The following RBFOX1 variants were observed in gnomAD, a reference collection of about 807,000 sequenced individuals.
RBFOX1 encodes RNA binding protein fox-1 homolog 1.
Under a neutral mutation model 57.7 loss-of-function variants are expected in RBFOX1, and 8 were observed. That is an observed-to-expected ratio of 0.14 (90% confidence interval 0.08 to 0.25). RBFOX1 has a LOEUF of 0.25. Among genes scored for constraint, RBFOX1 ranks in the 10% least tolerant of loss-of-function variants. The pLI is 1.00. For missense variants in RBFOX1, 611 were observed against 548.5 expected (o/e 1.11, Z -1.14); for synonymous variants, 326 against 222.4 (o/e 1.47, Z -4.15).
chr16:5,638,970 C>A (rs116980146), intron 3 of RBFOX1, among the ~76,000 whole-genome samples: 2 of 152,290 alleles, frequency 1.3e-5, no homozygotes, highest in East Asian at 3.9e-4. Flanking sequence ...TTCTCTCCTC[C>A]TGCAGGTTGT....
intron 1 of RBFOX1, among the ~76,000 whole-genome samples, chr16:5,450,149 G>A (rs1269244331): frequency 6.6e-6 from 1 of 152,170 alleles, no homozygotes; most frequent in East Asian, 1.9e-4. Context: ...CATGCCCAAA[G>A]TCTCTCTCAC....
At chr16:6,582,310 G>A (rs577672791) in intron 2 of RBFOX1, among the ~76,000 whole-genome samples, 114 of 152,152 alleles carry the variant, frequency 7.5e-4, no homozygotes, top group Non-Finnish European at 1.3e-3. Flanking sequence ...ATTCTGATGA[G>A]AAAAATAATG....
At chr16:5,432,499 T>C (rs1214574050) in intron 1 of RBFOX1, among the ~76,000 whole-genome samples, 1 of 151,742 alleles carries the variant, frequency 6.6e-6, no homozygotes, top group Non-Finnish European at 1.5e-5. Flanking sequence ...TTATTTTCTA[T>C]GATTTCCCAA....
intron 1 of RBFOX1, among the ~76,000 whole-genome samples, chr16:6,230,705 C>A (rs1027596639): frequency 6.6e-6 from 1 of 152,118 alleles, no homozygotes; most frequent in Admixed American, 6.6e-5. Context: ...CCTGATTGAG[C>A]AAATATCTTA....
intron 4 of RBFOX1, among the ~76,000 whole-genome samples, chr16:7,488,413 TCTGC>T (rs945949614): frequency 1.4e-4 from 21 of 145,310 alleles, no homozygotes; most frequent in Non-Finnish European, 2.6e-4. Flanking sequence ...CTATCTACTG[TCTGC>T]CTGTCTATCT....
At chr16:5,859,093 T>C (rs902790823) in intron 3 of RBFOX1, among the ~76,000 whole-genome samples, 4 of 152,132 alleles carry the variant, frequency 2.6e-5, no homozygotes, top group African/African-American at 9.7e-5. Context: ...TGGTCCCAGC[T>C]ACTTGGGAGA....
intron 3 of RBFOX1, among the ~76,000 whole-genome samples, chr16:6,991,692 A>G (rs907708675): frequency 1.3e-5 from 2 of 152,176 alleles, no homozygotes; most frequent in African/African-American, 4.8e-5. Flanking sequence ...TTGTGCTGCC[A>G]TTCCTGCCTG....
intron 4 of RBFOX1, among the ~76,000 whole-genome samples, chr16:7,166,314 G>A (rs1276733198): frequency 2.0e-5 from 3 of 152,098 alleles, no homozygotes; most frequent in East Asian, 1.9e-4. Context: ...GCACCCGGCC[G>A]GAGTGGGTAG....
rs1169505379 is a variant in RBFOX1, at chr16:6,450,765, GTGTATA to G, written c.-64+133710_-64+133715del. ...TTTATATATATATACATATATATAT[GTGTATA>G]TATATATATATATATATACATATAT... On this transcript the variant is annotated intron_variant, in intron 2 of 15. Transcript: ENST00000550418. Among the ~76,000 whole-genome samples the G allele has an allele frequency of 2.4e-3, 46 of 19,438 alleles. 3 individuals carry two copies. Among genetic ancestry groups the G allele is most frequent in the African/African-American group, 4.1e-3 (20 of 4,898 alleles). 12.8% of individuals were successfully genotyped at this position (19,438 alleles called of 152,430 possible).
chr16:7,160,514 T>C (rs925775321), intron 4 of RBFOX1, among the ~76,000 whole-genome samples: 12 of 152,334 alleles, frequency 7.9e-5, no homozygotes, highest in African/African-American at 2.9e-4. Flanking sequence ...AAAACTGTTA[T>C]ACATATTTTT....
At chr16:7,036,665 C>G (rs4786961) in intron 3 of RBFOX1, among the ~76,000 whole-genome samples, 1 of 151,272 alleles carries the variant, frequency 6.6e-6, no homozygotes, top group Non-Finnish European at 1.5e-5. Flanking sequence ...TGCACTCCAG[C>G]CTCGTCGAAA....
rs556236240 is a variant in RBFOX1, at chr16:7,018,458, C to T, written c.-15-33599C>T. On this transcript the variant is annotated intron_variant, in intron 3 of 15. Transcript: ENST00000550418. ...AATTGCTCCTGTTTTTGAAATACAA[C>T]GTCTAATCCAGTCTATCATTGATGG... 1.1e-3 allele frequency among the ~76,000 whole-genome samples: 169 copies of T among 152,242 alleles called. 2 individuals are homozygous for T. Among genetic ancestry groups the T allele is most frequent in the Non-Finnish European group, 1.9e-3 (127 of 68,016 alleles).
intron 1 of RBFOX1, among the ~76,000 whole-genome samples, chr16:6,311,124 GTC>G (rs1369405136): frequency 6.6e-6 from 1 of 151,644 alleles, no homozygotes; most frequent in East Asian, 1.9e-4. Context: ...GTGAAACCCT[GTC>G]TCTACTAAAA....
chr16:7,034,701 G>A (rs746379104), intron 3 of RBFOX1, among the ~76,000 whole-genome samples: 10 of 151,856 alleles, frequency 6.6e-5, no homozygotes, highest in Non-Finnish European at 1.2e-4. Context: ...TCGCCTTTCA[G>A]TGAGGACACC....
At chr16:6,213,182 A>G (rs1486198734) in intron 1 of RBFOX1, among the ~76,000 whole-genome samples, 2 of 152,114 alleles carry the variant, frequency 1.3e-5, no homozygotes, top group African/African-American at 4.8e-5. Context: ...CAGAAACTAT[A>G]TATTTTTTTC....
intron 10 of RBFOX1, among the ~76,000 whole-genome samples, chr16:7,617,246 G>C (rs1194949996): frequency 6.6e-6 from 1 of 152,170 alleles, no homozygotes; most frequent in Non-Finnish European, 1.5e-5. Flanking sequence ...CAACTACTGA[G>C]TTCTGCCATT....
chr16:6,955,525 G>T (rs924957438), intron 3 of RBFOX1, among the ~76,000 whole-genome samples: 4 of 146,364 alleles, frequency 2.7e-5, no homozygotes, highest in Non-Finnish European at 6.1e-5. Flanking sequence ...CTCATTGCTT[G>T]CTTTTTTCAA....
intron 3 of RBFOX1, chr16:6,704,382 C>G (rs760504672): frequency 2.0e-5 from 3 of 152,232 alleles, no homozygotes; most frequent in Non-Finnish European, 4.4e-5. Context: ...CAAACCTAGA[C>G]AAACATGAGG....
At chr16:6,282,183 C>G (rs2152701489) in intron 1 of RBFOX1, among the ~76,000 whole-genome samples, 1 of 152,130 alleles carries the variant, frequency 6.6e-6, no homozygotes, top group East Asian at 1.9e-4. Flanking sequence ...GGAAAAATCC[C>G]AGATTGCGCA....
Sources: allele counts gnomAD v4.1 joint callset (sites outside exome capture counted in the v4.1 genomes callset), GRCh38; gene constraint gnomAD v4.1.1; transcripts MANE v1.5; gene names NCBI Gene and HGNC (gene_info 2026-07-23, HGNC 2026-07-21).